Variants in ARHGAP10 observed in about 807,000 individuals in gnomAD.
ARHGAP10 encodes rho GTPase-activating protein 10.
Under a neutral mutation model 108.6 loss-of-function variants are expected in ARHGAP10, and 87 were observed. That is an observed-to-expected ratio of 0.80 (90% CI 0.67 to 0.96). ARHGAP10 has a LOEUF of 0.96. ARHGAP10 is among the 40% of genes least tolerant of loss of function. The pLI, the probability that ARHGAP10 is intolerant of heterozygous loss-of-function variation, is 0.00. For missense variants in ARHGAP10, 939 were observed against 954.5 expected (o/e 0.98, Z 0.21); for synonymous variants, 347 against 341.1 (o/e 1.02, Z -0.19).
intron 1 of ARHGAP10, among the ~76,000 whole-genome samples, chr4:147,754,277 C>G (rs554013288): frequency 2.0e-5 from 3 of 152,174 alleles, no homozygotes; most frequent in East Asian, 1.9e-4. Context: ...ATAAGGCATA[C>G]GATGCCTTTT....
intron 20 of ARHGAP10, among the ~76,000 whole-genome samples, chr4:148,052,392 C>T (rs1010271894): frequency 4.7e-4 from 43 of 90,608 alleles, no homozygotes; most frequent in Admixed American, 9.1e-4. Context: ...TGCACATTTG[C>T]TTTTTTTTTT....
intron 18 of ARHGAP10, among the ~76,000 whole-genome samples, chr4:147,995,238 C>T (rs1242091016): frequency 6.6e-6 from 1 of 152,192 alleles, no homozygotes; most frequent in East Asian, 1.9e-4. Flanking sequence ...TGTTTCACAT[C>T]CTTTTGAGGA....
intron 15 of ARHGAP10, among the ~76,000 whole-genome samples, chr4:147,950,814 G>A (rs1426227727): frequency 6.6e-6 from 1 of 152,136 alleles, no homozygotes; most frequent in Non-Finnish European, 1.5e-5. Context: ...CATTACAGCA[G>A]TTTTCTGTTG....
chr4:148,050,674 AT>A (rs1729098079), intron 20 of ARHGAP10, among the ~76,000 whole-genome samples: 1 of 151,640 alleles, frequency 6.6e-6, no homozygotes, highest in Non-Finnish European at 1.5e-5. Flanking sequence ...TGCCCGGTTG[AT>A]TCATCTTCTT....
intron 22 of ARHGAP10, among the ~76,000 whole-genome samples, chr4:148,065,032 G>A (rs1489280448): frequency 6.6e-6 from 1 of 152,230 alleles, no homozygotes; most frequent in African/African-American, 2.4e-5. Flanking sequence ...ATTGAAACAA[G>A]GGTGTAGCTT....
At chr4:148,019,348 A>G (rs1178626940) in intron 18 of ARHGAP10, among the ~76,000 whole-genome samples, 1 of 152,234 alleles carries the variant, frequency 6.6e-6, no homozygotes, top group Non-Finnish European at 1.5e-5. Flanking sequence ...ACTGTGTGCC[A>G]GGGACTGTAC....
At chr4:147,936,644 A>G (rs1288009987) in intron 13 of ARHGAP10, among the ~76,000 whole-genome samples, 1 of 151,954 alleles carries the variant, frequency 6.6e-6, no homozygotes, top group African/African-American at 2.4e-5. Flanking sequence ...CCTCTCTTAT[A>G]GTTGCTGAAT....
At chr4:148,063,437 A>T in intron 21 of ARHGAP10, 137 bp downstream of exon 21, 1 of 1,187,272 alleles carries the variant, frequency 8.4e-7, no homozygotes, top group East Asian at 2.6e-5. Context: ...CATGGACAGC[A>T]CTTACCACCT....
At position 148,023,426 on chromosome 4, in the gene ARHGAP10, T is replaced by C. The variant is rs1741649907; in HGVS notation, c.1867+13T>C. The C allele has an allele frequency of 8.1e-6, 13 of 1,608,222 alleles. No individual in the cohort carries two copies. Among genetic ancestry groups the C allele is most frequent in the Admixed American group, 1.7e-5 (1 of 59,856 alleles). The stretch of plus-strand genomic sequence containing the variant: ...GAGCTGGAAGATGGTAAGATGTTAA[T>C]GATATTTTTTGCTTGATAGCATGTT... On this transcript the variant is annotated intron_variant, in intron 19 of 22. Transcript: ENST00000336498.
chr4:147,889,502 A>G (rs6843781), intron 10 of ARHGAP10, among the ~76,000 whole-genome samples: 2,391 of 152,032 alleles, frequency 0.016, 58 homozygotes, highest in African/African-American at 0.052. Flanking sequence ...GTTTCACCAT[A>G]TTGGCCAGGC....
intron 3 of ARHGAP10, among the ~76,000 whole-genome samples, chr4:147,836,266 T>C (rs1733167722): frequency 6.6e-6 from 1 of 152,126 alleles, no homozygotes; most frequent in African/African-American, 2.4e-5. Context: ...GAGAGCCAGG[T>C]CATAGGCAGA....
intron 5 of ARHGAP10, among the ~76,000 whole-genome samples, chr4:147,860,435 AAAAACAAAAC>A (rs112437404): frequency 0.014 from 2,068 of 151,898 alleles, 37 homozygotes; most frequent in African/African-American, 0.034. Context: ...GCTCCGTCTC[AAAAACAAAAC>A]AAAACAAAAC....
At position 147,784,719 on chromosome 4, in the gene ARHGAP10, AATATATTATAAAATATATATTAT is replaced by A. The variant is rs1207368442; in HGVS notation, c.155-38006_155-37984del. ...ATTATAAAATATATATTATAAATATAATATATTATAAAATATATATTATAAATATATATTATAAAATGTATATT... is the reference window on the plus strand; with the variant it reads ...ATTATAAAATATATATTATAAATATAAAATATATATTATAAAATGTATATT... On this transcript the variant is annotated intron_variant, in intron 1 of 22. Transcript: ENST00000336498. Among the ~76,000 whole-genome samples the A allele has an allele frequency of 6.0e-3, 279 of 46,532 alleles. 32 individuals are homozygous for A. Among genetic ancestry groups the A allele is most frequent in the Admixed American group, 0.011 (24 of 2,144 alleles). The allele number at this position is 46,532 out of a possible 152,430, so 30.5% of individuals were successfully genotyped here. A position where few individuals can be genotyped will look rare whatever the true frequency, so the allele number is the denominator to read the frequency against.
At position 147,794,836 on chromosome 4, in the gene ARHGAP10, G is replaced by A. The variant is rs144763694; in HGVS notation, c.155-27891G>A. 3.1e-4 allele frequency among the ~76,000 whole-genome samples: 47 copies of A among 152,244 alleles called. No individual in the cohort carries two copies. The East Asian group carries it at 8.5e-3, about 27-fold the overall frequency. On this transcript the variant is annotated intron_variant, in intron 1 of 22. Coordinates refer to ENST00000336498, the MANE Select transcript of ARHGAP10 (RefSeq NM_024605.4). Reference sequence around the variant, plus strand: ...TTTGAAACATGATTTTAATGTTCTTGTGGTGTTCTATCATGTAAGTATAGG... The same window carrying A: ...TTTGAAACATGATTTTAATGTTCTTATGGTGTTCTATCATGTAAGTATAGG...
chr4:148,001,757 C>T (rs946049497), intron 18 of ARHGAP10, among the ~76,000 whole-genome samples: 15 of 151,914 alleles, frequency 9.9e-5, no homozygotes, highest in Admixed American at 3.9e-4. Flanking sequence ...TTTTGCACAT[C>T]GATTTTGTAT....
intron 22 of ARHGAP10, among the ~76,000 whole-genome samples, chr4:148,064,742 C>T (rs1453999911): frequency 6.7e-6 from 1 of 149,072 alleles, no homozygotes; most frequent in Admixed American, 6.7e-5. Context: ...CCCATCTCAT[C>T]TTGTGGGTCT....
At chr4:147,838,529 A>C (rs936911852) in intron 3 of ARHGAP10, among the ~76,000 whole-genome samples, 1 of 95,678 alleles carries the variant, frequency 1.0e-5, no homozygotes, top group Non-Finnish European at 2.8e-5. Flanking sequence ...ATATGTTTCC[A>C]TGATTTCTCT....
chr4:148,014,325 A>G (rs1741272913), intron 18 of ARHGAP10, among the ~76,000 whole-genome samples: 1 of 152,232 alleles, frequency 6.6e-6, no homozygotes, highest in South Asian at 2.1e-4. Flanking sequence ...TTCTGACTTC[A>G]GAAATCGTAT....
intron 18 of ARHGAP10, among the ~76,000 whole-genome samples, chr4:148,021,239 A>T (rs2149662250): frequency 6.6e-6 from 1 of 152,204 alleles, no homozygotes; most frequent in African/African-American, 2.4e-5. Flanking sequence ...CTGGCTCTGC[A>T]GTTTGGGGTT....
Sources: allele counts gnomAD v4.1 joint callset (sites outside exome capture counted in the v4.1 genomes callset), GRCh38; gene constraint gnomAD v4.1.1; transcripts MANE v1.5; gene names NCBI Gene and HGNC (gene_info 2026-07-23, HGNC 2026-07-21).